CTSO: variants seen among roughly 807,000 people sequenced by gnomAD.
CTSO encodes cathepsin O.
CTSO carries 40 observed loss-of-function variants against 42.4 expected under a neutral mutation model. The ratio of observed to expected loss-of-function variants is 0.94; its 90% CI spans 0.73 to 1.23. The LOEUF is 1.23. CTSO is among the 50% of genes most tolerant of loss of function. The pLI is 0.00. For synonymous variants in CTSO, 156 were observed against 146.2 expected (o/e 1.07, Z -0.48); for missense variants, 441 against 396.0 (o/e 1.11, Z -0.96).
In CTSO at chr4:155,926,083, AAAG is replaced by A. The variant is rs1560782789; in HGVS notation, c.932-16_932-14del. The A allele has an allele frequency of 3.3e-5, 49 of 1,473,862 alleles. No homozygotes were observed. The highest frequency in any genetic ancestry group is 7.5e-5 in the East Asian group (3 of 39,972). 91.3% of individuals were successfully genotyped at this position (1,473,862 alleles called of 1,614,324 possible). A position where few individuals can be genotyped will look rare whatever the true frequency, so the allele number is the denominator to read the frequency against. The stretch of plus-strand genomic sequence containing the variant: ...GAATCTGCAATACCTAAGGGAAAAA[AAAG>A]GAATTATTAGTCTATTTCCTCTTTA... On this transcript the variant is annotated splice_polypyrimidine_tract_variant and intron_variant, in intron 7 of 7. Coordinates refer to ENST00000433477, the MANE Select transcript of CTSO (RefSeq NM_001334.3).
Position 155,925,693 on chromosome 4 carries a change from C to G in CTSO, c.*343G>C. The G allele has an allele frequency of 3.7e-6, 1 of 269,632 alleles. No homozygotes were observed. The highest frequency in any genetic ancestry group is 6.8e-6 in the Non-Finnish European group (1 of 146,060). 16.7% of individuals were successfully genotyped at this position (269,632 alleles called of 1,614,324 possible). On this transcript the variant is annotated 3_prime_UTR_variant, in exon 8 of 8. Transcript: ENST00000433477. ...CTTTGATCCCACCTGAAATATCTCA[C>G]AATAAACAAACAAATAAATAATAAG... is the stretch of plus-strand genomic sequence containing the variant.
intron 1 of CTSO, among the ~76,000 whole-genome samples, chr4:155,947,735 G>A (rs758951781): frequency 6.6e-6 from 1 of 152,152 alleles, no homozygotes; most frequent in Non-Finnish European, 1.5e-5. Flanking sequence ...ACAAACTGAA[G>A]TCTGTATGAG....
chr4:155,934,723 T>C (rs1455837967), intron 5 of CTSO, among the ~76,000 whole-genome samples: 1 of 152,212 alleles, frequency 6.6e-6, no homozygotes, highest in Non-Finnish European at 1.5e-5. Context: ...CTAACTCCTT[T>C]GTTTTGGCCA....
chr4:155,941,836 T>C (rs1743435205), intron 3 of CTSO, among the ~76,000 whole-genome samples: 1 of 152,218 alleles, frequency 6.6e-6, no homozygotes, highest in African/African-American at 2.4e-5. Context: ...TGACAGAGCT[T>C]GCAAGATGAG....
chr4:155,946,288 C>T (rs78524598), intron 1 of CTSO, among the ~76,000 whole-genome samples: 10,518 of 152,124 alleles, frequency 0.069, 508 homozygotes, highest in South Asian at 0.17. Flanking sequence ...TTTTGTGTTG[C>T]CTTATAAGTG....
chr4:155,924,353 A>G lies in CTSO; in HGVS notation c.*1683T>C, dbSNP rs990722577. On this transcript the variant is annotated 3_prime_UTR_variant, in exon 8 of 8. Coordinates refer to ENST00000433477, the MANE Select transcript of CTSO (RefSeq NM_001334.3). The stretch of plus-strand genomic sequence containing the variant: ...AGAATATTTATCAATTAAAAGGTCA[A>G]TATCTGTCTTCCTGAAATAACTCCA... The G allele has an allele frequency of 3.9e-5, 6 of 152,224 alleles. No individual in the cohort carries two copies. The highest frequency in any genetic ancestry group is 8.8e-5 in the Non-Finnish European group (6 of 68,034). 9.4% of individuals were successfully genotyped at this position (152,224 alleles called of 1,614,324 possible). A position where few individuals can be genotyped will look rare whatever the true frequency, so the allele number is the denominator to read the frequency against.
intron 5 of CTSO, 91 bp downstream of exon 5, chr4:155,937,271 T>G (rs111800829): frequency 4.0e-5 from 37 of 928,248 alleles, no homozygotes; most frequent in Admixed American, 6.4e-5. Context: ...ATTAAGAGTA[T>G]GCAGTGATGC....
chr4:155,951,835 T>C (rs367748546), intron 1 of CTSO, among the ~76,000 whole-genome samples: 38 of 152,276 alleles, frequency 2.5e-4, no homozygotes, highest in African/African-American at 8.7e-4. Flanking sequence ...TCCAGCTAAC[T>C]AATCTAACTA....
At chr4:155,941,792 G>GTA (rs2110925620) in intron 3 of CTSO, among the ~76,000 whole-genome samples, 1 of 152,298 alleles carries the variant, frequency 6.6e-6, no homozygotes, top group Non-Finnish European at 1.5e-5. Flanking sequence ...AGATTCAAAG[G>GTA]TATATGATCC....
In CTSO at chr4:155,926,032, C is replaced by A. The variant is rs200990695; in HGVS notation, c.*4G>T. Reference sequence around the variant, plus strand: ...TGTAGCTGTCTCTTGATCTGCCCAACATGTCACACAAATATAGAAGAAACG... The same window carrying A: ...TGTAGCTGTCTCTTGATCTGCCCAAAATGTCACACAAATATAGAAGAAACG... On this transcript the variant is annotated 3_prime_UTR_variant, in exon 8 of 8. Coordinates refer to ENST00000433477, the MANE Select transcript of CTSO (RefSeq NM_001334.3). 38 of 1,603,836 alleles carry A rather than the reference C, an allele frequency of 2.4e-5. No individual in the cohort carries two copies. The highest frequency in any genetic ancestry group is 1.6e-4 in the Middle Eastern group (1 of 6,064).
In CTSO at chr4:155,929,723, A is replaced by G. The variant is rs1357725565; in HGVS notation, c.675-18T>C. On this transcript the variant is annotated intron_variant, in intron 5 of 7. Coordinates refer to ENST00000433477, the MANE Select transcript of CTSO (RefSeq NM_001334.3). ...CTTGGTCACTACCAAAAGAGGAAAT[A>G]TTTGGTTAGAAAATTTAGTTTTTAA... 5.6e-6 allele frequency: 9 copies of G among 1,593,312 alleles called. No homozygotes were observed. Among genetic ancestry groups the G allele is most frequent in the Non-Finnish European group, 7.7e-6 (9 of 1,172,968 alleles).
chr4:155,948,906 G>A (rs1380778619), intron 1 of CTSO, among the ~76,000 whole-genome samples: 1 of 152,196 alleles, frequency 6.6e-6, no homozygotes, highest in Non-Finnish European at 1.5e-5. Context: ...CTACTTCCCT[G>A]AGGGGAAAAA....
In CTSO at chr4:155,934,534, C is replaced by T. The variant is rs994953026; in HGVS notation, c.674+2828G>A. Among the ~76,000 whole-genome samples the T allele has an allele frequency of 4.6e-5, 7 of 152,266 alleles. No individual in the cohort carries two copies. In the South Asian group the frequency reaches 8.3e-4, roughly 18 times the overall value. On this transcript the variant is annotated intron_variant, in intron 5 of 7. Coordinates refer to ENST00000433477, the MANE Select transcript of CTSO (RefSeq NM_001334.3). ...AAGCCACAGACACTCAATGCCAGAC[C>T]GTGAAAGCAGCCAGGAGGGAGGCTG...
At chr4:155,929,213 T>C (rs1743187152) in intron 6 of CTSO, among the ~76,000 whole-genome samples, 1 of 152,218 alleles carries the variant, frequency 6.6e-6, no homozygotes, top group Non-Finnish European at 1.5e-5. Flanking sequence ...ATAGAAACAA[T>C]GCTTATCCCT....
At chr4:155,936,510 G>C (rs1182014604) in intron 5 of CTSO, among the ~76,000 whole-genome samples, 2 of 152,108 alleles carry the variant, frequency 1.3e-5, no homozygotes, top group African/African-American at 4.8e-5. Context: ...TGTTTCAAAA[G>C]ACTGCAAAGT....
intron 4 of CTSO, among the ~76,000 whole-genome samples, chr4:155,938,912 G>A (rs1743378190): frequency 6.6e-6 from 1 of 152,046 alleles, no homozygotes. Flanking sequence ...AGCCAAGATT[G>A]TGCCACTGTA....
intron 5 of CTSO, among the ~76,000 whole-genome samples, chr4:155,931,794 A>G (rs1743238416): frequency 6.6e-6 from 1 of 150,976 alleles, no homozygotes; most frequent in African/African-American, 2.4e-5. Flanking sequence ...TATTATTATA[A>G]CGAATTATTA....
chr4:155,939,520 A>G lies in CTSO; in HGVS notation c.403T>C (p.Phe135Leu). 1 of 1,613,882 alleles carries G rather than the reference A, an allele frequency of 6.2e-7. No individual in the cohort carries two copies. The highest frequency in any genetic ancestry group is 1.3e-5 in the African/African-American group (1 of 75,018). Residue 135 changes from phenylalanine (F) to leucine (L), a missense_variant, in exon 4 of 8, where the codon TTC becomes CTC. By Grantham distance (22) the Phe-to-Leu change is conservative (BLOSUM62 0). Coordinates refer to ENST00000433477, the MANE Select transcript of CTSO (RefSeq NM_001334.3). ...GATTCCACTGCCCCCACCACGCTGA[A>G]GGCCCAGCATCCTCCACACTGTTTA... ...NQQMCGGCWA[F>L]SVVGAVESAY...
intron 7 of CTSO, among the ~76,000 whole-genome samples, chr4:155,926,318 C>T (rs1254115590): frequency 2.0e-5 from 3 of 152,122 alleles, no homozygotes; most frequent in African/African-American, 7.2e-5. Context: ...TTTTAAAAAT[C>T]CACAACAAAA....
Sources: gnomAD v4.1 joint callset for allele counts (sites outside exome capture counted in the v4.1 genomes callset) on GRCh38, gnomAD v4.1.1 for gene constraint, MANE v1.5 for transcripts, NCBI Gene and HGNC (gene_info 2026-07-23, HGNC 2026-07-21) for gene names.